PCSK6: variants seen among roughly 807,000 people sequenced by gnomAD.
PCSK6 encodes paired basic amino acid cleaving enzyme 4.
PCSK6 carries 85 observed loss-of-function variants against 123.3 expected under a neutral mutation model. The observed-to-expected ratio is 0.69, with a 90% CI of 0.58 to 0.83. The LOEUF is 0.83. Among genes scored for constraint, PCSK6 ranks in the 40% least tolerant of loss-of-function variants. The pLI, the probability that PCSK6 is intolerant of heterozygous loss-of-function variation, is 0.00. For synonymous variants in PCSK6, 508 were observed against 516.0 expected (o/e 0.98, Z 0.21); for missense variants, 1,191 against 1,282.3 (o/e 0.93, Z 1.09).
chr15:101,334,831 A>G (rs2040441311), intron 13 of PCSK6, among the ~76,000 whole-genome samples: 1 of 152,188 alleles, frequency 6.6e-6, no homozygotes, highest in Non-Finnish European at 1.5e-5. Flanking sequence ...CTGTGTGGAA[A>G]AAGAGAGCAG....
intron 13 of PCSK6, among the ~76,000 whole-genome samples, chr15:101,348,052 G>A (rs574121078): frequency 3.5e-4 from 53 of 152,276 alleles, no homozygotes; most frequent in Non-Finnish European, 6.2e-4. Context: ...CCTTCCTTCT[G>A]GGTTGTGTTA....
At chr15:101,365,985 G>A in intron 13 of PCSK6, 1 of 476,130 alleles carries the variant, frequency 2.1e-6, no homozygotes, top group Non-Finnish European at 3.6e-6. Flanking sequence ...GAATTAGATA[G>A]TGCTGACGTT....
rs1444667935 is a variant in PCSK6 at position 101,476,577 on chromosome 15, C to A, written c.297+12797G>T. 5.4e-3 allele frequency among the ~76,000 whole-genome samples: 627 copies of A among 115,350 alleles called. 1 individual carries two copies. The highest frequency in any genetic ancestry group is 8.1e-3 in the Non-Finnish European group (437 of 54,202). The allele number at this position is 115,350 out of a possible 152,430, so 75.7% of individuals were successfully genotyped here. A position where few individuals can be genotyped will look rare whatever the true frequency, so the allele number is the denominator to read the frequency against. On this transcript the variant is annotated intron_variant, in intron 1 of 21. Coordinates refer to ENST00000611716, the MANE Select transcript of PCSK6 (RefSeq NM_002570.5). The stretch of plus-strand genomic sequence containing the variant: ...CCATTTATATTAAAAAAAAAAAAAA[C>A]AACAAAAATTCTTTTTGTGTGTATA...
intron 1 of PCSK6, among the ~76,000 whole-genome samples, chr15:101,447,924 TCCCTC>T (rs1454329089): frequency 6.6e-6 from 1 of 152,230 alleles, no homozygotes; most frequent in Non-Finnish European, 1.5e-5. Context: ...TCCTCCTCCT[TCCCTC>T]GATTATAGAA....
intron 17 of PCSK6, among the ~76,000 whole-genome samples, chr15:101,324,590 G>A (rs2040205165): frequency 6.6e-6 from 1 of 152,232 alleles, no homozygotes; most frequent in African/African-American, 2.4e-5. Context: ...GCAGGTGGGT[G>A]AAATTCCCTG....
At position 101,398,183 on chromosome 15, in the gene PCSK6, C is replaced by T. The variant is rs1202561310; in HGVS notation, c.996+221G>A. ...AGTGGCCACCTGGCTGTCACTGGAA[C>T]AGCTGTTCTGGAACGAGGCAAAAAC... On this transcript the variant is annotated intron_variant, in intron 7 of 21. Transcript: ENST00000611716. This position sits in a 1 kb window ranked among gnomAD's most constrained non-coding sequence, Gnocchi z 4.6. Among the ~76,000 whole-genome samples the T allele has an allele frequency of 1.3e-5, 2 of 152,208 alleles. No homozygotes were observed. Among genetic ancestry groups the T allele is most frequent in the Admixed American group, 6.5e-5 (1 of 15,280 alleles).
intron 1 of PCSK6, among the ~76,000 whole-genome samples, chr15:101,480,428 A>G (rs969983081): frequency 2.0e-5 from 3 of 152,178 alleles, no homozygotes; most frequent in Non-Finnish European, 4.4e-5. Flanking sequence ...CTTCCTTTCC[A>G]CGGTGCCCCT....
chr15:101,347,835 A>C (rs1474578435), intron 13 of PCSK6: 1 of 1,386,392 alleles, frequency 7.2e-7, no homozygotes, highest in Non-Finnish European at 1.0e-6. Context: ...GGGAGGTGCA[A>C]TCCCAGGGCA....
At chr15:101,396,314 C>T (rs1008594775) in intron 7 of PCSK6, among the ~76,000 whole-genome samples, 1 of 152,108 alleles carries the variant, frequency 6.6e-6, no homozygotes, top group East Asian at 1.9e-4. Flanking sequence ...TCCAACCTCC[C>T]CAAGCCTCCC....
At chr15:101,381,707 C>T (rs538301807) in intron 11 of PCSK6, among the ~76,000 whole-genome samples, 16 of 152,334 alleles carry the variant, frequency 1.1e-4, no homozygotes, top group East Asian at 1.9e-4. Flanking sequence ...AATCTCTAGC[C>T]GGTGGTGACA....
intron 8 of PCSK6, among the ~76,000 whole-genome samples, chr15:101,392,104 C>A (rs1354621919): frequency 1.3e-5 from 2 of 152,204 alleles, no homozygotes; most frequent in African/African-American, 2.4e-5. Context: ...CAAATTCGAA[C>A]CTGCATCCAT....
chr15:101,355,985 C>G lies in PCSK6; in HGVS notation c.1858+10211G>C, dbSNP rs552368160. The stretch of plus-strand genomic sequence containing the variant: ...AGGAGAGGAGACCCAGCGCAGAGGC[C>G]AGAGAGACAGGAAAAGCGGAGGCAG... On this transcript the variant is annotated intron_variant, in intron 13 of 21. Coordinates refer to ENST00000611716, the MANE Select transcript of PCSK6 (RefSeq NM_002570.5). 1.3e-4 allele frequency among the ~76,000 whole-genome samples: 20 copies of G among 152,256 alleles called. 1 individual carries two copies. Among genetic ancestry groups the G allele is most frequent in the African/African-American group, 4.6e-4 (19 of 41,528 alleles).
chr15:101,482,167 G>A (rs2057905978), intron 1 of PCSK6, among the ~76,000 whole-genome samples: 3 of 152,392 alleles, frequency 2.0e-5, no homozygotes, highest in East Asian at 3.9e-4. Context: ...GCAGTAGAAG[G>A]TGAGTCAGAG....
At chr15:101,428,267 C>T (rs960643997) in intron 5 of PCSK6, among the ~76,000 whole-genome samples, 4 of 152,184 alleles carry the variant, frequency 2.6e-5, no homozygotes, top group Admixed American at 6.5e-5. Context: ...GGTGCCTGCC[C>T]CAGTGCCCGT....
intron 1 of PCSK6, among the ~76,000 whole-genome samples, chr15:101,473,102 T>TCTC (rs2057645900): frequency 6.6e-6 from 1 of 152,124 alleles, no homozygotes; most frequent in Non-Finnish European, 1.5e-5. Context: ...AGAGACAGAG[T>TCTC]CTCGCTCTGT....
chr15:101,311,136 G>T (rs1190105734), intron 20 of PCSK6, among the ~76,000 whole-genome samples: 1 of 151,932 alleles, frequency 6.6e-6, no homozygotes, highest in African/African-American at 2.4e-5. Flanking sequence ...TTTTGAGATG[G>T]AGTCTTGCTC....
At chr15:101,483,034 C>T (rs1191068571) in intron 1 of PCSK6, among the ~76,000 whole-genome samples, 1 of 152,262 alleles carries the variant, frequency 6.6e-6, no homozygotes, top group African/African-American at 2.4e-5. Context: ...ATGAGCTTCA[C>T]AACCCTCATC....
At chr15:101,403,920 C>T (rs2042691518) in intron 6 of PCSK6, among the ~76,000 whole-genome samples, 2 of 152,260 alleles carry the variant, frequency 1.3e-5, no homozygotes, top group South Asian at 4.1e-4. Context: ...GGGGTTTCAC[C>T]ACGTTGGCCA....
Position 101,429,969 on chromosome 15 carries a change from T to G in PCSK6, c.734+18A>C. On this transcript the variant is annotated intron_variant, in intron 5 of 21. Transcript: ENST00000611716. ...GGGAGGGGAAGAGAAGCCGGGGAGA[T>G]GAGGCGAGGTGACGTACTTATTTTC... The G allele has an allele frequency of 6.3e-7, 1 of 1,599,814 alleles. No homozygotes were observed. Among genetic ancestry groups the G allele is most frequent in the Non-Finnish European group, 8.6e-7 (1 of 1,167,094 alleles).
Sources: allele counts gnomAD v4.1 joint callset (sites outside exome capture counted in the v4.1 genomes callset), GRCh38; gene constraint gnomAD v4.1.1; non-coding constraint Gnocchi (gnomAD v3.1); transcripts MANE v1.5; gene names NCBI Gene and HGNC (gene_info 2026-07-23, HGNC 2026-07-21).